Variants in CEP78 observed in about 807,000 individuals in gnomAD.
The protein encoded by CEP78 is centrosomal protein of 78 kDa.
Under a neutral mutation model 81.2 loss-of-function variants are expected in CEP78, and 76 were observed. The observed-to-expected ratio is 0.94, with a 90% CI of 0.78 to 1.13. The LOEUF (loss-of-function observed/expected upper bound fraction) is 1.13. Ranked by LOEUF, CEP78 falls within the 50% of genes most tolerant of loss-of-function variation. CEP78 has a pLI of 0.00. For synonymous variants in CEP78, 293 were observed against 301.4 expected, an observed-to-expected ratio of 0.97 and a Z score of 0.29; for missense variants, 918 against 846.8, an observed-to-expected ratio of 1.08 and a Z score of -1.04.
Position 78,236,346 on chromosome 9 carries a change from G to C in CEP78, c.-5G>C, listed in dbSNP as rs776323982. 1 of 1,564,470 alleles carries C rather than the reference G, an allele frequency of 6.4e-7. No individual in the cohort carries two copies. Among genetic ancestry groups the C allele is most frequent in the South Asian group, 1.2e-5 (1 of 86,332 alleles). On this transcript the variant is annotated 5_prime_UTR_variant, in exon 1 of 17. Coordinates refer to ENST00000643273, the MANE Select transcript of CEP78 (RefSeq NM_001330691.3). ...GCGGGCATCCCCCGAGGCCGCCCTC[G>C]GGCCATGATCGACTCCGTGAAGCTG...
chr9:78,255,044 C>A, intron 11 of CEP78, 80 bp downstream of exon 11: 1 of 1,199,204 alleles, frequency 8.3e-7, no homozygotes. Context: ...TGATTATGAA[C>A]TGGACAGCTT....
chr9:78,236,967 G>GTTTTT (rs1825974556), intron 1 of CEP78, among the ~76,000 whole-genome samples: 3 of 54,494 alleles, frequency 5.5e-5, no homozygotes, highest in Admixed American at 2.1e-4. Flanking sequence ...GTCAGCCTTT[G>GTTTTT]TCTTTTTTTT....
chr9:78,262,450 A>G (rs1827317473), intron 11 of CEP78, among the ~76,000 whole-genome samples: 1 of 152,068 alleles, frequency 6.6e-6, no homozygotes, highest in South Asian at 2.1e-4. Flanking sequence ...AATCTCCATC[A>G]TGTCTAATTC....
At chr9:78,259,210 G>A (rs970703353) in intron 11 of CEP78, among the ~76,000 whole-genome samples, 1 of 152,212 alleles carries the variant, frequency 6.6e-6, no homozygotes, top group Non-Finnish European at 1.5e-5. Context: ...GAAAGAAGAT[G>A]CAGAAGTGTG....
intron 6 of CEP78, among the ~76,000 whole-genome samples, chr9:78,247,208 C>T (rs910301643): frequency 5.3e-4 from 80 of 152,062 alleles, no homozygotes; most frequent in African/African-American, 1.9e-3. Flanking sequence ...GGGAGTTATA[C>T]GTAATGTAAT....
chr9:78,260,648 A>G (rs560269034), intron 11 of CEP78, among the ~76,000 whole-genome samples: 34 of 149,714 alleles, frequency 2.3e-4, no homozygotes, highest in African/African-American at 6.7e-4. Flanking sequence ...TGGAGCTTGC[A>G]GTGAGCCGAG....
At chr9:78,242,254 A>G (rs1826270737) in intron 4 of CEP78, among the ~76,000 whole-genome samples, 1 of 152,158 alleles carries the variant, frequency 6.6e-6, no homozygotes, top group Non-Finnish European at 1.5e-5. Flanking sequence ...ATTTGTTTAC[A>G]TATTAACTAT....
In CEP78 at chr9:78,273,370, A is replaced by G. The variant is rs969812978; in HGVS notation, c.*2519A>G. 5 of 152,236 alleles carry G rather than the reference A, an allele frequency of 3.3e-5. No individual in the cohort carries two copies. Among genetic ancestry groups the G allele is most frequent in the Non-Finnish European group, 7.3e-5 (5 of 68,044 alleles). 9.4% of individuals were successfully genotyped at this position (152,236 alleles called of 1,614,324 possible). A position where few individuals can be genotyped will look rare whatever the true frequency, so the allele number is the denominator to read the frequency against. ...CAAGGTGAAAATTGGTAAAGGGGAC[A>G]AAAGCTTCTTTTGGCTGATAAGTAC... On this transcript the variant is annotated 3_prime_UTR_variant, in exon 17 of 17. Transcript: ENST00000643273.
At chr9:78,256,991 G>A (rs1306065842) in intron 11 of CEP78, among the ~76,000 whole-genome samples, 1 of 151,934 alleles carries the variant, frequency 6.6e-6, no homozygotes, top group Admixed American at 6.6e-5. Context: ...GAACAGAAAG[G>A]CAGGAATGGA....
At chr9:78,250,106 A>G (rs1036431535) in intron 8 of CEP78, 6 of 391,766 alleles carry the variant, frequency 1.5e-5, no homozygotes, top group African/African-American at 1.0e-4. Flanking sequence ...ATAATTGGAC[A>G]TCATTGAATG....
intron 1 of CEP78, among the ~76,000 whole-genome samples, chr9:78,238,686 A>G (rs1412253943): frequency 1.3e-5 from 2 of 152,192 alleles, no homozygotes; most frequent in Non-Finnish European, 2.9e-5. Context: ...AAAATAAGTC[A>G]GATTATTCTC....
rs767748856 is a variant in CEP78 at position 78,246,765 on chromosome 9, GAA to G, written c.880_881del (p.Asn294SerfsTer4). The G allele has an allele frequency of 1.9e-6, 3 of 1,591,314 alleles. No homozygotes were observed. The East Asian group carries it at 6.8e-5, about 36-fold the overall frequency. ...ACAACTCTGGTCGTTCTGGATATAA[GAA>G]AAAATCCACTCATTGGTATGTCGCT... is the stretch of plus-strand genomic sequence containing the variant. On this transcript the variant is annotated frameshift_variant, in exon 6 of 17. Coordinates refer to ENST00000643273, the MANE Select transcript of CEP78 (RefSeq NM_001330691.3). LOFTEE classifies it high-confidence loss of function.
In CEP78 at chr9:78,264,302, C is replaced by T; in HGVS notation, c.1611C>T (p.Leu537=). 6.2e-7 allele frequency: 1 copy of T among 1,613,064 alleles called. No homozygotes were observed. Among genetic ancestry groups the T allele is most frequent in the Non-Finnish European group, 8.5e-7 (1 of 1,179,426 alleles). Residue 537 remains leucine, a synonymous_variant, in exon 13 of 17, where the codon CTC becomes CTT. Coordinates refer to ENST00000643273, the MANE Select transcript of CEP78 (RefSeq NM_001330691.3). The stretch of plus-strand genomic sequence containing the variant: ...AGAAGTTTCATGCTTTCTTGGATCT[C>T]CTTAAAGATGCTGGGTTAGTTACTT... ...SFQKFHAFLD[L]LKDAGLGQLA...
At chr9:78,250,928 C>T (rs889452496) in intron 8 of CEP78, among the ~76,000 whole-genome samples, 13 of 152,170 alleles carry the variant, frequency 8.5e-5, no homozygotes, top group African/African-American at 2.2e-4. Flanking sequence ...AGTTACACCA[C>T]GGGAAATATT....
chr9:78,240,962 C>CAA (rs1272467045), intron 3 of CEP78, among the ~76,000 whole-genome samples: 4 of 132,342 alleles, frequency 3.0e-5, no homozygotes, highest in Admixed American at 7.6e-5. Flanking sequence ...GACTCCGTCT[C>CAA]AAAAAAAAAA....
At chr9:78,263,632 G>A (rs943947750) in intron 12 of CEP78, among the ~76,000 whole-genome samples, 2 of 152,134 alleles carry the variant, frequency 1.3e-5, no homozygotes, top group African/African-American at 4.8e-5. Flanking sequence ...AGAAATACTA[G>A]AGTTAGACTT....
chr9:78,253,361 A>G (rs1194582981), intron 10 of CEP78, 84 bp downstream of exon 10: 2 of 741,480 alleles, frequency 2.7e-6, no homozygotes, highest in African/African-American at 3.5e-5. Context: ...TAAATTGAAT[A>G]GAGTCGTAAG....
rs768077721 is a variant in CEP78, at chr9:78,236,444, C to T, written c.94C>T (p.Pro32Ser). Residue 32 changes from proline to serine, a missense_variant, in exon 1 of 17, where the codon CCC (proline) becomes TCC (serine). Pro to Ser is a moderately conservative substitution (Grantham distance 74). Coordinates refer to ENST00000643273, the MANE Select transcript of CEP78 (RefSeq NM_001330691.3). The part of the protein sequence containing the change: ...LCALQNSVPL[P>S]AVRACLREGV... ...CGCGCTGCAGAACTCGGTGCCGCTG[C>T]CCGCCGTGCGCGCCTGTCTCCGGGA... The T allele has an allele frequency of 3.7e-6, 6 of 1,603,542 alleles. No individual in the cohort carries two copies. In the East Asian group the frequency reaches 1.3e-4, roughly 36 times the overall value.
At chr9:78,252,591 TTAA>T (rs1826818155) in intron 9 of CEP78, among the ~76,000 whole-genome samples, 2 of 152,246 alleles carry the variant, frequency 1.3e-5, no homozygotes, top group East Asian at 3.8e-4. Context: ...AATTTTATGC[TTAA>T]TAAATGAATT....
Sources: gnomAD v4.1 joint callset for allele counts (sites outside exome capture counted in the v4.1 genomes callset) on GRCh38, gnomAD v4.1.1 for gene constraint, MANE v1.5 for transcripts, NCBI Gene and HGNC (gene_info 2026-07-23, HGNC 2026-07-21) for gene names.